The following RYR2 variants were observed in gnomAD, a reference collection of about 807,000 sequenced individuals.
The protein encoded by RYR2 is ryanodine receptor 2.
A neutral mutation model predicts 601.1 loss-of-function variants in RYR2; 227 were observed. The observed-to-expected ratio is 0.38, with a 90% CI of 0.34 to 0.42. The LOEUF is 0.42. Among genes scored for constraint, RYR2 ranks in the 10% least tolerant of loss-of-function variants. The pLI, the probability that RYR2 is intolerant of heterozygous loss-of-function variation, is 1.00. For synonymous variants in RYR2, 2,223 were observed against 2,175.1 expected (o/e 1.02, Z -0.61); for missense variants, 4,646 against 6,156.5 (o/e 0.75, Z 8.21).
intron 1 of RYR2, among the ~76,000 whole-genome samples, chr1:237,053,175 G>A (rs1032925141): frequency 5.9e-5 from 9 of 152,094 alleles, no homozygotes; most frequent in African/African-American, 2.2e-4. Context: ...AGACTATCCC[G>A]TTAGTTCCCT....
In RYR2 at chr1:237,614,022, T is replaced by C; in HGVS notation, c.4911-17T>C. ...CATTCATTTCTAATCTTACTACCACTCTCCTCCCTTCTACAGATCTGTTGA... is the reference window on the plus strand; with the variant it reads ...CATTCATTTCTAATCTTACTACCACCCTCCTCCCTTCTACAGATCTGTTGA... On this transcript the variant is annotated splice_polypyrimidine_tract_variant and intron_variant, in intron 36 of 104. Coordinates refer to ENST00000366574, the MANE Select transcript of RYR2 (RefSeq NM_001035.3). This position sits in a 1 kb window ranked among gnomAD's most constrained non-coding sequence, Gnocchi z 4.3. 1 of 1,597,438 alleles carries C rather than the reference T, an allele frequency of 6.3e-7. No homozygotes were observed. Among genetic ancestry groups the C allele is most frequent in the Non-Finnish European group, 8.6e-7 (1 of 1,167,756 alleles).
intron 79 of RYR2, among the ~76,000 whole-genome samples, chr1:237,736,011 G>T (rs1213997510): frequency 1.3e-5 from 2 of 152,190 alleles, no homozygotes; most frequent in South Asian, 4.2e-4. Flanking sequence ...TGAAAGAAAA[G>T]TTTCACAAAA....
chr1:237,493,193 T>C (rs1663607379), intron 19 of RYR2, 106 bp downstream of exon 19: 1 of 1,224,724 alleles, frequency 8.2e-7, no homozygotes, highest in East Asian at 2.5e-5. Context: ...TTAGACCATA[T>C]AGTATTATTT....
At chr1:237,183,663 C>T (rs1159715248) in intron 1 of RYR2, among the ~76,000 whole-genome samples, 3 of 152,078 alleles carry the variant, frequency 2.0e-5, no homozygotes, top group Admixed American at 6.5e-5. Context: ...AACCTCAGAA[C>T]GAAAGTAAAA....
intron 44 of RYR2, among the ~76,000 whole-genome samples, chr1:237,636,573 T>C (rs1217698261): frequency 6.6e-6 from 1 of 152,234 alleles, no homozygotes; most frequent in Non-Finnish European, 1.5e-5. Context: ...CTACTTCTGT[T>C]GTGATGAGTA....
At chr1:237,586,050 T>C (rs1674486395) in intron 29 of RYR2, among the ~76,000 whole-genome samples, 1 of 152,228 alleles carries the variant, frequency 6.6e-6, no homozygotes, top group Admixed American at 6.5e-5. Flanking sequence ...TCACCTCCTT[T>C]TTAACTTAAT....
At chr1:237,663,900 A>C (rs1467270565) in intron 56 of RYR2, among the ~76,000 whole-genome samples, 1 of 152,198 alleles carries the variant, frequency 6.6e-6, no homozygotes, top group East Asian at 1.9e-4. Context: ...ACCAGTATCA[A>C]CTTGACAGAA....
chr1:237,283,100 G>A (rs980409177), intron 2 of RYR2, among the ~76,000 whole-genome samples: 37 of 152,244 alleles, frequency 2.4e-4, no homozygotes, highest in African/African-American at 8.2e-4. Context: ...CTCTGTTCTC[G>A]CTCTTCCTGG....
intron 2 of RYR2, among the ~76,000 whole-genome samples, chr1:237,276,963 A>C (rs75477931): frequency 0.053 from 8,048 of 152,210 alleles, 750 homozygotes; most frequent in African/African-American, 0.19. Context: ...ATTAAGAAAA[A>C]ATTTTTTGCA....
chr1:237,738,603 G>A (rs1208628455), intron 79 of RYR2, among the ~76,000 whole-genome samples: 1 of 152,098 alleles, frequency 6.6e-6, no homozygotes, highest in African/African-American at 2.4e-5. Flanking sequence ...GCAGTAGGCT[G>A]TGTGTAATAT....
At position 237,456,633 on chromosome 1, in the gene RYR2, C is replaced by G; in HGVS notation, c.1510C>G (p.Arg504Gly). 1 of 1,605,006 alleles carries G rather than the reference C, an allele frequency of 6.2e-7. No individual in the cohort carries two copies. The highest frequency in any genetic ancestry group is 8.5e-7 in the Non-Finnish European group (1 of 1,174,574). ...MINLVLECID[R>G]LHVYSSAAHF... ...CAACCTCGTGCTTGAGTGCATAGAC[C>G]GTTTGCACGTCTACAGCAGTGCAGC... Residue 504 changes from arginine to glycine, a missense_variant, in exon 16 of 105, where the codon CGT becomes GGT. Transcript: ENST00000366574.
chr1:237,430,126 A>T (rs1054776084), intron 12 of RYR2, among the ~76,000 whole-genome samples: 7 of 150,136 alleles, frequency 4.7e-5, no homozygotes, highest in Admixed American at 6.7e-5. Context: ...TAACATTCAT[A>T]TATATAACAT....
chr1:237,601,594 T>C (rs1676511440), intron 34 of RYR2, among the ~76,000 whole-genome samples: 1 of 152,106 alleles, frequency 6.6e-6, no homozygotes, highest in African/African-American at 2.4e-5. Context: ...TTTTGTATGT[T>C]CTCACCACAA....
intron 10 of RYR2, among the ~76,000 whole-genome samples, chr1:237,399,721 A>T (rs550373673): frequency 1.1e-4 from 16 of 152,106 alleles, no homozygotes; most frequent in Non-Finnish European, 2.1e-4. Context: ...AGCTGACTCC[A>T]TTGGCTACTT....
chr1:237,583,080 G>A (rs995256685), intron 29 of RYR2, among the ~76,000 whole-genome samples: 12 of 152,072 alleles, frequency 7.9e-5, no homozygotes, highest in East Asian at 1.9e-4. Context: ...CCACAGCCTC[G>A]TCAGCATCTG....
intron 17 of RYR2, among the ~76,000 whole-genome samples, chr1:237,488,629 C>T (rs945563107): frequency 2.6e-5 from 4 of 152,156 alleles, no homozygotes; most frequent in African/African-American, 7.2e-5. Context: ...TAGCCTTAAC[C>T]GATGACATTC....
At position 237,451,980 on chromosome 1, in the gene RYR2, A is replaced by G. The variant is rs35187722; in HGVS notation, c.1293-2411A>G. 6.0e-3 allele frequency among the ~76,000 whole-genome samples: 217 copies of G among 36,422 alleles called. 2 individuals carry two copies. Among genetic ancestry groups the G allele is most frequent in the Middle Eastern group, 0.027 (2 of 74 alleles). 23.9% of individuals were successfully genotyped at this position (36,422 alleles called of 152,430 possible). A position where few individuals can be genotyped will look rare whatever the true frequency, so the allele number is the denominator to read the frequency against. ...GTGGTTGTGGTAGTACTGTGTGTGT[A>G]TGTGTGTTTGTGTGTGTGTTTGTGT... On this transcript the variant is annotated intron_variant, in intron 14 of 104. Coordinates refer to ENST00000366574, the MANE Select transcript of RYR2 (RefSeq NM_001035.3).
At chr1:237,595,362 G>A (rs1389121162) in intron 33 of RYR2, 136 bp from the exon 34 acceptor site, 25 of 911,096 alleles carry the variant, frequency 2.7e-5, no homozygotes, top group Non-Finnish European at 3.9e-5. Context: ...TCACAGAATC[G>A]GGCCTATTGT....
intron 17 of RYR2, among the ~76,000 whole-genome samples, chr1:237,491,340 T>G (rs558142331): frequency 6.6e-6 from 1 of 152,172 alleles, no homozygotes; most frequent in South Asian, 2.1e-4. Context: ...ACACTTTCAG[T>G]GCCAAGAAGC....
Sources: allele counts gnomAD v4.1 joint callset (sites outside exome capture counted in the v4.1 genomes callset), GRCh38; gene constraint gnomAD v4.1.1; non-coding constraint Gnocchi (gnomAD v3.1); transcripts MANE v1.5; gene names NCBI Gene and HGNC (gene_info 2026-07-23, HGNC 2026-07-21).